IL1RAP: variants seen among roughly 807,000 people sequenced by gnomAD.
IL1RAP encodes the protein interleukin 1 receptor accessory protein.
In IL1RAP, 35 loss-of-function variants were observed where a neutral mutation model predicts 60.7. The observed-to-expected ratio is 0.58, with a 90% confidence interval of 0.44 to 0.76. IL1RAP has a LOEUF of 0.76. Ranked by LOEUF, IL1RAP falls within the 30% of genes least tolerant of loss-of-function variation. The probability of loss-of-function intolerance (pLI) is 0.00; values close to 1 mark genes in which losing one functional copy is unlikely to be tolerated. For missense variants in IL1RAP, 572 were observed against 693.9 expected, an observed-to-expected ratio of 0.82 and a Z score of 1.97; for synonymous variants, 268 against 250.9, an observed-to-expected ratio of 1.07 and a Z score of -0.64.
At chr3:190,555,380 T>A (rs570321163) in intron 1 of IL1RAP, among the ~76,000 whole-genome samples, 47 of 152,256 alleles carry the variant, frequency 3.1e-4, no homozygotes, top group African/African-American at 1.1e-3. Flanking sequence ...TTCTCTATAC[T>A]GTGTGGGGGG....
intron 3 of IL1RAP, among the ~76,000 whole-genome samples, chr3:190,576,103 A>G (rs146934929): frequency 1.1e-3 from 165 of 152,350 alleles, no homozygotes; most frequent in African/African-American, 3.7e-3. Flanking sequence ...ACTTTACCTC[A>G]AAACAAATCG....
At chr3:190,553,001 A>G (rs1208059172) in intron 1 of IL1RAP, among the ~76,000 whole-genome samples, 2 of 152,234 alleles carry the variant, frequency 1.3e-5, no homozygotes, top group Non-Finnish European at 2.9e-5. Flanking sequence ...GGCTCAGAGC[A>G]AGGAAAATCC....
At chr3:190,529,904 G>C (rs1277753344) in intron 1 of IL1RAP, among the ~76,000 whole-genome samples, 1 of 151,806 alleles carries the variant, frequency 6.6e-6, no homozygotes, top group Non-Finnish European at 1.5e-5. Flanking sequence ...AGTGGGCCTG[G>C]CTGCTGCCCC....
intron 4 of IL1RAP, among the ~76,000 whole-genome samples, chr3:190,605,722 T>G (rs1730269641): frequency 6.6e-6 from 1 of 152,192 alleles, no homozygotes; most frequent in South Asian, 2.1e-4. Flanking sequence ...CTTTACATGG[T>G]CTTCCTCTGT....
intron 9 of IL1RAP, among the ~76,000 whole-genome samples, chr3:190,636,888 G>T (rs1051348883): frequency 6.6e-6 from 1 of 151,886 alleles, no homozygotes; most frequent in Non-Finnish European, 1.5e-5. Flanking sequence ...AGACTAATTG[G>T]TATTTTCATT....
At chr3:190,560,929 T>C (rs1001093976) in intron 2 of IL1RAP, among the ~76,000 whole-genome samples, 1 of 152,074 alleles carries the variant, frequency 6.6e-6, no homozygotes, top group Non-Finnish European at 1.5e-5. Flanking sequence ...TGGGAAACAA[T>C]AGGATTAAAT....
At chr3:190,619,792 C>T (rs941653293) in intron 5 of IL1RAP, among the ~76,000 whole-genome samples, 4 of 150,958 alleles carry the variant, frequency 2.6e-5, no homozygotes, top group South Asian at 2.1e-4. Context: ...TACAGGGAAA[C>T]AACAGGGTGA....
At chr3:190,592,044 G>C (rs1034028915) in intron 3 of IL1RAP, among the ~76,000 whole-genome samples, 3 of 152,166 alleles carry the variant, frequency 2.0e-5, no homozygotes, top group African/African-American at 7.2e-5. Context: ...TTTTGAGATG[G>C]AATCTCGCTC....
intron 3 of IL1RAP, among the ~76,000 whole-genome samples, chr3:190,568,668 A>G (rs1370819199): frequency 6.6e-6 from 1 of 152,208 alleles, no homozygotes; most frequent in African/African-American, 2.4e-5. Context: ...ATCCTTATTT[A>G]TAAACCAAGC....
intron 5 of IL1RAP, chr3:190,615,386 A>G (rs1481970910): frequency 1.1e-6 from 1 of 921,578 alleles, no homozygotes; most frequent in Non-Finnish European, 1.5e-6. Context: ...TGCTTTTGTT[A>G]CTGATGAGAT....
At chr3:190,604,075 C>T in intron 3 of IL1RAP, 53 bp from the exon 4 acceptor site, 1 of 1,557,306 alleles carries the variant, frequency 6.4e-7, no homozygotes, top group South Asian at 1.2e-5. Context: ...CTTTTGAGGC[C>T]TTTGTTGTAA....
intron 10 of IL1RAP, 94 bp from the exon 11 acceptor site, chr3:190,645,605 A>G: frequency 1.0e-6 from 1 of 988,872 alleles, no homozygotes; most frequent in Non-Finnish European, 1.5e-6. Context: ...TCACATAATG[A>G]AAATGTCTAA....
rs10602405 is a variant in IL1RAP at position 190,527,826 on chromosome 3, TACACACACAC to T, written c.-89+13642_-89+13651del. 5.1e-3 allele frequency among the ~76,000 whole-genome samples: 710 copies of T among 139,688 alleles called. 6 individuals are homozygous for T. The highest frequency in any genetic ancestry group is 0.012 in the African/African-American group (439 of 37,712). The allele number at this position is 139,688 out of a possible 152,430, so 91.6% of individuals were successfully genotyped here. A position where few individuals can be genotyped will look rare whatever the true frequency, so the allele number is the denominator to read the frequency against. ...TGATAAATTATTTTAAGGAAAGGTC[TACACACACAC>T]ACACACACACACACACACACACACA... On this transcript the variant is annotated intron_variant, in intron 1 of 11. Transcript: ENST00000447382.
chr3:190,566,238 C>A (rs1193240869), intron 3 of IL1RAP, among the ~76,000 whole-genome samples: 1 of 152,154 alleles, frequency 6.6e-6, no homozygotes, highest in African/African-American at 2.4e-5. Flanking sequence ...TGGTTGAATA[C>A]ATGTCCCTTT....
rs536132128 is a variant in IL1RAP at position 190,573,829 on chromosome 3, G to C, written c.64+9476G>C. ...GATAATTACTATATAGTGGTGGGTAGGTATGTAATAGGAAGGAAGGTGAGG... is the reference window on the plus strand; with the variant it reads ...GATAATTACTATATAGTGGTGGGTACGTATGTAATAGGAAGGAAGGTGAGG... On this transcript the variant is annotated intron_variant, in intron 3 of 11. Coordinates refer to ENST00000447382, the MANE Select transcript of IL1RAP (RefSeq NM_002182.4). Among the ~76,000 whole-genome samples the C allele has an allele frequency of 2.6e-4, 40 of 152,078 alleles. No homozygotes were observed. The South Asian group carries it at 7.5e-3, about 28-fold the overall frequency.
At chr3:190,521,892 A>G (rs1228694474) in intron 1 of IL1RAP, among the ~76,000 whole-genome samples, 1 of 152,064 alleles carries the variant, frequency 6.6e-6, no homozygotes, top group African/African-American at 2.4e-5. Context: ...TAATCTCCAT[A>G]GTTTTCTACA....
At position 190,620,450 on chromosome 3, in the gene IL1RAP, A is replaced by G. The variant is rs201048518; in HGVS notation, c.703+10A>G. ...ACTGTAAAGGTAGTAGGTAAGCATG[A>G]TTAGTGTCCAGTACACACAACAAGC... is the stretch of plus-strand genomic sequence containing the variant. On this transcript the variant is annotated intron_variant, in intron 6 of 11. Coordinates refer to ENST00000447382, the MANE Select transcript of IL1RAP (RefSeq NM_002182.4). The G allele has an allele frequency of 3.2e-5, 52 of 1,606,678 alleles. No individual in the cohort carries two copies. The highest frequency in any genetic ancestry group is 4.3e-5 in the Non-Finnish European group (51 of 1,176,718).
Position 190,651,002 on chromosome 3 carries a change from A to C in IL1RAP, c.*2297A>C. The C allele has an allele frequency of 1.0e-6, 1 of 985,120 alleles. No homozygotes were observed. Among genetic ancestry groups the C allele is most frequent in the South Asian group, 4.7e-5 (1 of 21,280 alleles). The allele number at this position is 985,120 out of a possible 1,614,324, so 61.0% of individuals were successfully genotyped here. ...ATGCCTGCCTTTGGTACTTAATTTT[A>C]CAAATGCTGTAATATAAAGCATATC... is the stretch of plus-strand genomic sequence containing the variant. On this transcript the variant is annotated 3_prime_UTR_variant, in exon 12 of 12. Transcript: ENST00000447382.
chr3:190,542,616 C>T (rs1445264846), intron 1 of IL1RAP, among the ~76,000 whole-genome samples: 1 of 152,072 alleles, frequency 6.6e-6, no homozygotes, highest in Non-Finnish European at 1.5e-5. Context: ...CACACATACT[C>T]CTGTCTTTGC....
Sources: gnomAD v4.1 joint callset for allele counts (sites outside exome capture counted in the v4.1 genomes callset) on GRCh38, gnomAD v4.1.1 for gene constraint, MANE v1.5 for transcripts, NCBI Gene and HGNC (gene_info 2026-07-23, HGNC 2026-07-21) for gene names.